Variants in RALGPS2 observed in about 807,000 individuals in gnomAD.
RALGPS2 encodes the protein ras-specific guanine nucleotide-releasing factor RalGPS2.
A neutral mutation model predicts 86.8 loss-of-function variants in RALGPS2; 43 were observed. The observed-to-expected ratio is 0.50, with a 90% CI of 0.39 to 0.64. The LOEUF (loss-of-function observed/expected upper bound fraction) is 0.64, where lower values mean the gene tolerates loss of function less well. Among genes scored for constraint, RALGPS2 ranks in the 30% least tolerant of loss-of-function variants. The probability of loss-of-function intolerance (pLI) is 0.00; values close to 1 mark genes in which losing one functional copy is unlikely to be tolerated. For missense variants in RALGPS2, 536 were observed against 694.6 expected, an observed-to-expected ratio of 0.77 and a Z score of 2.57; for synonymous variants, 243 against 231.3, an observed-to-expected ratio of 1.05 and a Z score of -0.46.
intron 8 of RALGPS2, among the ~76,000 whole-genome samples, chr1:178,862,597 A>ATTTT (rs1658108034): frequency 1.8e-5 from 1 of 55,028 alleles, no homozygotes; most frequent in Non-Finnish European, 4.2e-5. Context: ...CATTTTTTTT[A>ATTTT]TTTATTTATT....
chr1:178,785,514 A>G, intron 3 of RALGPS2, 43 bp from the exon 4 acceptor site: 1 of 1,547,924 alleles, frequency 6.5e-7, no homozygotes, highest in Non-Finnish European at 8.7e-7. Flanking sequence ...GTTATGGTAT[A>G]GAATTCCAAA....
rs556861641 is a variant in RALGPS2, at chr1:178,879,338, G to C, written c.836+346G>C. ...AAAATTAATGAAACTTTTTAAAATA[G>C]AAAAATTACTCTTCTTTAATGCTAA... On this transcript the variant is annotated intron_variant, in intron 10 of 19. Coordinates refer to ENST00000367635, the MANE Select transcript of RALGPS2 (RefSeq NM_152663.5). The C allele has an allele frequency of 7.8e-4, 133 of 169,442 alleles. 2 individuals are homozygous for C. Among genetic ancestry groups the C allele is most frequent in the Admixed American group, 3.6e-3 (56 of 15,752 alleles). 10.5% of individuals were successfully genotyped at this position (169,442 alleles called of 1,614,324 possible). A position where few individuals can be genotyped will look rare whatever the true frequency, so the allele number is the denominator to read the frequency against.
chr1:178,758,474 C>T (rs1391311119), intron 1 of RALGPS2, among the ~76,000 whole-genome samples: 2 of 152,108 alleles, frequency 1.3e-5, no homozygotes, highest in Admixed American at 6.5e-5. Context: ...GTAGTGCTAT[C>T]AAATACTAGG....
intron 8 of RALGPS2, among the ~76,000 whole-genome samples, chr1:178,838,019 A>G (rs1282903759): frequency 1.3e-5 from 2 of 152,186 alleles, no homozygotes; most frequent in Non-Finnish European, 2.9e-5. Context: ...GTAGGTAAAC[A>G]AAGCGGCCTG....
intron 2 of RALGPS2, among the ~76,000 whole-genome samples, chr1:178,778,938 A>G (rs1021085194): frequency 5.3e-5 from 8 of 152,248 alleles, no homozygotes; most frequent in African/African-American, 1.9e-4. Context: ...AAGATACTTG[A>G]AAAATAATGA....
At chr1:178,732,267 G>A (rs1650410496) in intron 1 of RALGPS2, among the ~76,000 whole-genome samples, 1 of 150,488 alleles carries the variant, frequency 6.6e-6, no homozygotes, top group Non-Finnish European at 1.5e-5. Flanking sequence ...GAGATACATG[G>A]TTCTGAATTT....
At chr1:178,892,399 T>A in intron 15 of RALGPS2, 92 bp downstream of exon 15, 1 of 1,021,276 alleles carries the variant, frequency 9.8e-7, no homozygotes, top group Non-Finnish European at 1.5e-6. Context: ...TTTCTTTTCT[T>A]TCTCAACTAA....
chr1:178,769,203 G>A (rs1459202609), intron 1 of RALGPS2, among the ~76,000 whole-genome samples: 1 of 151,950 alleles, frequency 6.6e-6, no homozygotes, highest in Admixed American at 6.6e-5. Context: ...GGAAGGGTGG[G>A]GCAGGTCAGG....
intron 4 of RALGPS2, among the ~76,000 whole-genome samples, chr1:178,790,639 G>A (rs1653907617): frequency 6.6e-6 from 1 of 152,170 alleles, no homozygotes; most frequent in Non-Finnish European, 1.5e-5. Context: ...GCATGCTTTT[G>A]ATGTTCAACA....
chr1:178,784,557 A>C (rs751555126), intron 3 of RALGPS2, 35 bp downstream of exon 3: 2 of 1,461,822 alleles, frequency 1.4e-6, no homozygotes. Context: ...CCGGTTTTGC[A>C]CATAATTTAC....
At chr1:178,740,952 G>T (rs1650987367) in intron 1 of RALGPS2, among the ~76,000 whole-genome samples, 1 of 152,156 alleles carries the variant, frequency 6.6e-6, no homozygotes, top group Non-Finnish European at 1.5e-5. Context: ...GTTGATGTGA[G>T]GATTAAGTGA....
intron 1 of RALGPS2, among the ~76,000 whole-genome samples, chr1:178,748,315 G>A (rs1172739730): frequency 4.9e-5 from 7 of 142,344 alleles, no homozygotes; most frequent in Admixed American, 2.1e-4. Context: ...GTGAGACTCC[G>A]TCTCAAAAAA....
chr1:178,785,935 T>TA (rs1424173714), intron 4 of RALGPS2, among the ~76,000 whole-genome samples: 2 of 152,112 alleles, frequency 1.3e-5, no homozygotes, highest in African/African-American at 4.8e-5. Context: ...GCCTTACTGG[T>TA]AACATAAACA....
chr1:178,818,609 C>CATTAGGAGTGTTCT, intron 6 of RALGPS2, among the ~76,000 whole-genome samples: 1 of 152,144 alleles, frequency 6.6e-6, no homozygotes, highest in African/African-American at 2.4e-5. Context: ...AAGTAAGTTC[C>CATTAGGAGTGTTCT]ATTAGGAGTG....
chr1:178,773,568 G>C (rs773373868), intron 1 of RALGPS2, among the ~76,000 whole-genome samples: 2 of 152,130 alleles, frequency 1.3e-5, no homozygotes, highest in Non-Finnish European at 2.9e-5. Flanking sequence ...AAGCCTCTCT[G>C]TTATACTTCA....
chr1:178,921,019 T>A lies in RALGPS2; in HGVS notation c.*4660T>A, dbSNP rs988939800. 1 of 152,020 alleles carries A rather than the reference T, an allele frequency of 6.6e-6. No homozygotes were observed. Among genetic ancestry groups the A allele is most frequent in the African/African-American group, 2.4e-5 (1 of 41,418 alleles). 9.4% of individuals were successfully genotyped at this position (152,020 alleles called of 1,614,324 possible). A position where few individuals can be genotyped will look rare whatever the true frequency, so the allele number is the denominator to read the frequency against. ...TTCAGTGAAAGCAAAGTTGGAAATA[T>A]TTTGCTTCTCTCAGATTATTGGAAG... On this transcript the variant is annotated 3_prime_UTR_variant, in exon 20 of 20. Coordinates refer to ENST00000367635, the MANE Select transcript of RALGPS2 (RefSeq NM_152663.5).
intron 4 of RALGPS2, among the ~76,000 whole-genome samples, chr1:178,791,200 A>G (rs1263562991): frequency 6.6e-6 from 1 of 151,956 alleles, no homozygotes; most frequent in Non-Finnish European, 1.5e-5. Flanking sequence ...GGCCCACTGC[A>G]TCCTTGATCT....
rs759535990 is a variant in RALGPS2 at position 178,753,350 on chromosome 1, G to A, written c.-83-23332G>A. ...CTATGGTATTTGGGGGTGGGACATG[G>A]GCCCTGAGACAAGTCAAATATTAAA... On this transcript the variant is annotated intron_variant, in intron 1 of 19. Coordinates refer to ENST00000367635, the MANE Select transcript of RALGPS2 (RefSeq NM_152663.5). 7.8e-4 allele frequency among the ~76,000 whole-genome samples: 118 copies of A among 152,236 alleles called. 2 individuals carry two copies. Among genetic ancestry groups the A allele is most frequent in the Admixed American group, 1.7e-3 (26 of 15,288 alleles).
chr1:178,869,030 A>C (rs529278187), intron 8 of RALGPS2: 9 of 152,068 alleles, frequency 5.9e-5, no homozygotes, highest in African/African-American at 2.2e-4. Context: ...CCATAAATCT[A>C]TGTTACCTCA....
Sources: gnomAD v4.1 joint callset for allele counts (sites outside exome capture counted in the v4.1 genomes callset) on GRCh38, gnomAD v4.1.1 for gene constraint, MANE v1.5 for transcripts, NCBI Gene and HGNC (gene_info 2026-07-23, HGNC 2026-07-21) for gene names.